The following ZNF391 variants were observed in gnomAD, a reference collection of about 807,000 sequenced individuals.
ZNF391 encodes the protein zinc finger protein 391.
For missense variants in ZNF391, 375 were observed against 425.5 expected (o/e 0.88, Z 1.04); for synonymous variants, 126 against 142.1 (o/e 0.89, Z 0.80).
chr6:27,394,636 C>T (rs1455662742), intron 1 of ZNF391, among the ~76,000 whole-genome samples: 1 of 152,192 alleles, frequency 6.6e-6, no homozygotes, highest in Non-Finnish European at 1.5e-5. Context: ...TGGGGCACTG[C>T]CTAGTGGAGC....
chr6:27,389,162 G>T (rs1458731579), intron 1 of ZNF391, 87 bp downstream of exon 1: 2 of 456,684 alleles, frequency 4.4e-6, no homozygotes. Context: ...TTGGCTGCAG[G>T]TCGGGTCAGG....
chr6:27,382,299 A>G lies in ZNF391; in HGVS notation n.523+7162A>G, dbSNP rs187188046. On this transcript the variant is annotated intron_variant and non_coding_transcript_variant, in intron 1 of 2. Coordinates refer to the ZNF391 transcript ENST00000477999. The stretch of plus-strand genomic sequence containing the variant: ...AACCCGGGAGGCGGAGGTTGCAGTG[A>G]GCTGAGACAGCGCCATTGCACTCCA... Among the ~76,000 whole-genome samples, 4 of 151,906 alleles carry G rather than the reference A, an allele frequency of 2.6e-5. No individual in the cohort carries two copies. In the East Asian group the frequency reaches 7.8e-4, roughly 30 times the overall value.
In ZNF391 at chr6:27,400,904, A is replaced by T. The variant is rs1161540713; in HGVS notation, c.534A>T (p.Thr178=). ...NECGKAFSRS[T]HLSLHQRIHT... ...GTGGAAAAGCTTTTAGCCGGAGCAC[A>T]CATCTTAGTCTACATCAGAGAATCC... Residue 178 remains threonine (T), a synonymous_variant, in exon 3 of 3, where the codon ACA becomes ACT. Transcript: ENST00000244576. 1.2e-6 allele frequency: 2 copies of T among 1,614,052 alleles called. No homozygotes were observed. Among genetic ancestry groups the T allele is most frequent in the Non-Finnish European group, 8.5e-7 (1 of 1,180,012 alleles).
rs1456246433 is a variant in ZNF391 at position 27,400,354 on chromosome 6, A to G, written c.-17A>G. 6.4e-7 allele frequency: 1 copy of G among 1,568,498 alleles called. No homozygotes were observed. The highest frequency in any genetic ancestry group is 8.6e-7 in the Non-Finnish European group (1 of 1,159,518). ...AATCAGACTGTTTCCGAAGAACTAGAGTTTTCTGGGTCAGCAATGGAAAGC... is the reference window on the plus strand; with the variant it reads ...AATCAGACTGTTTCCGAAGAACTAGGGTTTTCTGGGTCAGCAATGGAAAGC... On this transcript the variant is annotated 5_prime_UTR_variant, in exon 3 of 3. Transcript: ENST00000244576.
chr6:27,403,741 A>T lies in ZNF391; in HGVS notation c.*2294A>T, dbSNP rs1476988161. 2 of 152,196 alleles carry T rather than the reference A, an allele frequency of 1.3e-5. No homozygotes were observed. Among genetic ancestry groups the T allele is most frequent in the African/African-American group, 4.8e-5 (2 of 41,450 alleles). 9.4% of individuals were successfully genotyped at this position (152,196 alleles called of 1,614,324 possible). A position where few individuals can be genotyped will look rare whatever the true frequency, so the allele number is the denominator to read the frequency against. ...TTTCCTTGAATTACATATATAACTG[A>T]CTATTTAGACTGACTCCTTTAGATC... On this transcript the variant is annotated 3_prime_UTR_variant, in exon 3 of 3. Transcript: ENST00000244576.
upstream of ZNF391, among the ~76,000 whole-genome samples, chr6:27,386,681 G>A (rs1003100889): frequency 6.6e-6 from 1 of 152,120 alleles, no homozygotes; most frequent in Non-Finnish European, 1.5e-5. Flanking sequence ...AACAAATGGT[G>A]CTGGGAAAAC....
intron 1 of ZNF391, among the ~76,000 whole-genome samples, chr6:27,391,408 A>G (rs976290217): frequency 4.6e-5 from 7 of 152,092 alleles, no homozygotes; most frequent in Middle Eastern, 3.4e-3. Context: ...GGGTTTCCCC[A>G]TGTTGGCCAG....
Position 27,401,420 on chromosome 6 carries a change from A to G in ZNF391, c.1050A>G (p.Arg350=). Residue 350 remains arginine, a synonymous_variant, in exon 3 of 3, where the codon AGA becomes AGG. Coordinates refer to ENST00000244576, the MANE Select transcript of ZNF391 (RefSeq NM_001076781.3). ...TCTGTCAGAGTTCAACTCTGATCAG[A>G]CATCAGCACCTTCATACTAAAGAGT... is the stretch of plus-strand genomic sequence containing the variant. ...KAFCQSSTLI[R]HQHLHTKE 6.2e-7 allele frequency: 1 copy of G among 1,610,204 alleles called. No homozygotes were observed. The highest frequency in any genetic ancestry group is 8.5e-7 in the Non-Finnish European group (1 of 1,179,478).
chr6:27,388,807 T>A lies in ZNF391; in HGVS notation c.-456T>A. 1 of 426,860 alleles carries A rather than the reference T, an allele frequency of 2.3e-6. No individual in the cohort carries two copies. Among genetic ancestry groups the A allele is most frequent in the Non-Finnish European group, 4.6e-6 (1 of 218,688 alleles). 26.4% of individuals were successfully genotyped at this position (426,860 alleles called of 1,614,324 possible). Reference sequence around the variant, plus strand: ...GGTCGTCCGCGTCAGGAGACTTAGGTCCAGGCGACTGCCCAGACAATGACT... The same window carrying A: ...GGTCGTCCGCGTCAGGAGACTTAGGACCAGGCGACTGCCCAGACAATGACT... On this transcript the variant is annotated 5_prime_UTR_variant, in exon 1 of 3. Transcript: ENST00000244576.
intron 1 of ZNF391, among the ~76,000 whole-genome samples, chr6:27,377,802 T>C (rs1353259591): frequency 1.3e-5 from 2 of 152,240 alleles, no homozygotes; most frequent in Non-Finnish European, 2.9e-5. Flanking sequence ...GTCTCAGATT[T>C]TCTGGGTTCG....
chr6:27,388,598 C>G (rs1385473246), upstream of ZNF391: 3 of 297,772 alleles, frequency 1.0e-5, no homozygotes, highest in African/African-American at 6.9e-5. Context: ...TCGCAGACCC[C>G]CTTCCTCTTG....
intron 1 of ZNF391, among the ~76,000 whole-genome samples, chr6:27,395,371 G>C (rs10080571): frequency 0.71 from 107,158 of 151,372 alleles, 38,128 homozygotes; most frequent in Middle Eastern, 0.82. Context: ...TCATCTCCCT[G>C]CCTGCCTTGC....
chr6:27,384,910 T>C (rs895312688), upstream of ZNF391, among the ~76,000 whole-genome samples: 1 of 151,144 alleles, frequency 6.6e-6, no homozygotes, highest in African/African-American at 2.4e-5. Flanking sequence ...CTCAGCTACT[T>C]AGGAGGCTGA....
intron 2 of ZNF391, 144 bp downstream of exon 2, chr6:27,399,694 C>A (rs1761907568): frequency 6.6e-6 from 1 of 152,174 alleles, no homozygotes; most frequent in Non-Finnish European, 1.5e-5. Flanking sequence ...TAGATGATGT[C>A]TAAGTTCTGC....
At chr6:27,379,057 G>A (rs1195816943) in intron 1 of ZNF391, among the ~76,000 whole-genome samples, 1 of 152,178 alleles carries the variant, frequency 6.6e-6, no homozygotes, top group Non-Finnish European at 1.5e-5. Flanking sequence ...TTTTGCAAAT[G>A]AAAACCAGCA....
chr6:27,395,865 A>G (rs12664996), intron 1 of ZNF391, among the ~76,000 whole-genome samples: 1 of 151,954 alleles, frequency 6.6e-6, no homozygotes, highest in Non-Finnish European at 1.5e-5. Flanking sequence ...CTTCTCCAGA[A>G]TGGGATATAG....
At chr6:27,398,959 A>G (rs1761890457) in intron 1 of ZNF391, among the ~76,000 whole-genome samples, 1 of 152,198 alleles carries the variant, frequency 6.6e-6, no homozygotes. Context: ...TGTAGAGAGA[A>G]GGGGCCTCCT....
upstream of ZNF391, among the ~76,000 whole-genome samples, chr6:27,386,083 A>G (rs996118567): frequency 2.6e-5 from 4 of 152,198 alleles, no homozygotes; most frequent in African/African-American, 9.6e-5. Flanking sequence ...AAACTACATG[A>G]AAATGAAAAC....
chr6:27,394,343 C>G (rs971895225), intron 1 of ZNF391, among the ~76,000 whole-genome samples: 2 of 152,222 alleles, frequency 1.3e-5, no homozygotes, highest in African/African-American at 4.8e-5. Context: ...TGCTCAGGCT[C>G]CAGCCATGGT....
Sources: allele counts gnomAD v4.1 joint callset (sites outside exome capture counted in the v4.1 genomes callset), GRCh38; gene constraint gnomAD v4.1.1; transcripts MANE v1.5; gene names NCBI Gene and HGNC (gene_info 2026-07-23, HGNC 2026-07-21).